The following PBX1 variants were observed in gnomAD, a reference collection of about 807,000 sequenced individuals.
PBX1 encodes the protein PBX homeobox 1.
A neutral mutation model predicts 53.4 loss-of-function variants in PBX1; 6 were observed. The ratio of observed to expected loss-of-function variants is 0.11; its 90% CI spans 0.06 to 0.22. The LOEUF (loss-of-function observed/expected upper bound fraction) is 0.22. Among genes scored for constraint, PBX1 ranks in the 10% least tolerant of loss-of-function variants. The pLI, the probability that PBX1 is intolerant of heterozygous loss-of-function variation, is 1.00. For missense variants in PBX1, 251 were observed against 551.4 expected, an observed-to-expected ratio of 0.46 and a Z score of 5.46; for synonymous variants, 204 against 212.3, an observed-to-expected ratio of 0.96 and a Z score of 0.34.
intron 2 of PBX1, among the ~76,000 whole-genome samples, chr1:164,657,674 A>G (rs1022909077): frequency 6.6e-6 from 1 of 152,150 alleles, no homozygotes; most frequent in Non-Finnish European, 1.5e-5. Context: ...AAGTGGGCAT[A>G]TTGTTTTTTG....
intron 6 of PBX1, chr1:164,812,920 T>A (rs1427677818): frequency 6.6e-6 from 1 of 151,942 alleles, no homozygotes; most frequent in African/African-American, 2.4e-5. Context: ...ATGTGGTAAT[T>A]TTTTTTTCCC....
chr1:164,629,611 C>G (rs1658279167), intron 2 of PBX1, among the ~76,000 whole-genome samples: 1 of 152,170 alleles, frequency 6.6e-6, no homozygotes, highest in African/African-American at 2.4e-5. Context: ...CCACATCTCC[C>G]AGTCTTCAGT....
At chr1:164,767,342 G>C (rs1424558107) in intron 2 of PBX1, among the ~76,000 whole-genome samples, 4 of 152,152 alleles carry the variant, frequency 2.6e-5, no homozygotes. Context: ...GGGCCCTGGG[G>C]TTCCACACAG....
At chr1:164,793,872 CTTTTTTTTT>C (rs72414989) in intron 3 of PBX1, among the ~76,000 whole-genome samples, 30 of 78,214 alleles carry the variant, frequency 3.8e-4, no homozygotes, top group African/African-American at 1.4e-3. Context: ...TTTTTCCTTT[CTTTTTTTTT>C]TTTTTTTTTT....
At chr1:164,734,942 G>T (rs1192655848) in intron 2 of PBX1, among the ~76,000 whole-genome samples, 1 of 152,104 alleles carries the variant, frequency 6.6e-6, no homozygotes, top group African/African-American at 2.4e-5. Context: ...AAGATGAAAA[G>T]GGAAACAAAG....
At position 164,848,445 on chromosome 1, in the gene PBX1, C is replaced by A. The variant is rs568818969; in HGVS notation, c.*1769C>A. The A allele has an allele frequency of 3.8e-6, 4 of 1,055,740 alleles. No individual in the cohort carries two copies. Among genetic ancestry groups the A allele is most frequent in the Non-Finnish European group, 4.6e-6 (4 of 873,386 alleles). The allele number at this position is 1,055,740 out of a possible 1,614,324, so 65.4% of individuals were successfully genotyped here. On this transcript the variant is annotated 3_prime_UTR_variant, in exon 9 of 9. Transcript: ENST00000420696. ...TTTGTTCATATCCAATCTGTAAATG[C>A]GAAGTCAGGGGAAGTAATGTCCCTG...
chr1:164,646,371 G>T (rs1571140332), intron 2 of PBX1, among the ~76,000 whole-genome samples: 1 of 152,292 alleles, frequency 6.6e-6, no homozygotes, highest in Non-Finnish European at 1.5e-5. Flanking sequence ...TAACTAGTTT[G>T]ATCAACAGTA....
At chr1:164,739,637 G>T (rs1490186126) in intron 2 of PBX1, among the ~76,000 whole-genome samples, 1 of 152,170 alleles carries the variant, frequency 6.6e-6, no homozygotes, top group African/African-American at 2.4e-5. Flanking sequence ...AAGTTTAGAT[G>T]ATTATACTTT....
intron 8 of PBX1, among the ~76,000 whole-genome samples, chr1:164,837,542 G>A (rs1045915999): frequency 2.0e-5 from 3 of 152,116 alleles, no homozygotes; most frequent in Non-Finnish European, 2.9e-5. Flanking sequence ...GCATGTTGTC[G>A]AATGCTGTTT....
At chr1:164,562,082 G>A (rs1402151172) in intron 1 of PBX1, among the ~76,000 whole-genome samples, 1 of 151,358 alleles carries the variant, frequency 6.6e-6, no homozygotes, top group Non-Finnish European at 1.5e-5. Context: ...TTTATAATGT[G>A]TATTTATTAT....
At chr1:164,841,099 C>T (rs1671269012) in intron 8 of PBX1, among the ~76,000 whole-genome samples, 1 of 152,148 alleles carries the variant, frequency 6.6e-6, no homozygotes, top group South Asian at 2.1e-4. Context: ...TGTGAAGGAA[C>T]ACACGCAATA....
chr1:164,716,685 TACACACACACACACAC>T (rs375539653), intron 2 of PBX1, among the ~76,000 whole-genome samples: 286 of 115,858 alleles, frequency 2.5e-3, no homozygotes, highest in African/African-American at 3.8e-3. Context: ...ATGTCATCTC[TACACACACACACACAC>T]ACACACACAC....
At chr1:164,598,762 G>C (rs1397674943) in intron 2 of PBX1, among the ~76,000 whole-genome samples, 3 of 152,124 alleles carry the variant, frequency 2.0e-5, no homozygotes, top group Non-Finnish European at 4.4e-5. Context: ...TTTTCATAAA[G>C]AGCCTTACAC....
chr1:164,826,859 C>T (rs981581236), intron 8 of PBX1, among the ~76,000 whole-genome samples: 6 of 151,782 alleles, frequency 4.0e-5, no homozygotes, highest in African/African-American at 7.3e-5. Flanking sequence ...GGTAACATGC[C>T]GTTAACATCA....
At chr1:164,827,388 T>C (rs958779057) in intron 8 of PBX1, among the ~76,000 whole-genome samples, 3 of 152,196 alleles carry the variant, frequency 2.0e-5, no homozygotes, top group Non-Finnish European at 4.4e-5. Flanking sequence ...TGTCTTTGGG[T>C]ACCTTCTGGT....
intron 2 of PBX1, among the ~76,000 whole-genome samples, chr1:164,692,035 G>A (rs145288519): frequency 7.0e-4 from 106 of 152,260 alleles, no homozygotes; most frequent in African/African-American, 2.4e-3. Flanking sequence ...ACACTATTAC[G>A]TATATGCAAA....
intron 2 of PBX1, among the ~76,000 whole-genome samples, chr1:164,693,945 G>T (rs1268214077): frequency 1.3e-5 from 2 of 152,138 alleles, no homozygotes; most frequent in Non-Finnish European, 2.9e-5. Flanking sequence ...TTTTGATGTT[G>T]TCTAAAAGTG....
intron 6 of PBX1, chr1:164,815,665 T>G (rs1192511769): frequency 1.3e-5 from 2 of 152,308 alleles, no homozygotes; most frequent in South Asian, 4.2e-4. Context: ...CAGGAAGAAG[T>G]GCCGAGTGAA....
intron 8 of PBX1, among the ~76,000 whole-genome samples, chr1:164,841,774 T>C (rs1466222052): frequency 6.6e-6 from 1 of 152,118 alleles, no homozygotes; most frequent in Non-Finnish European, 1.5e-5. Context: ...TGTGTTTGCA[T>C]AGAGAGGGAA....
Sources: gnomAD v4.1 joint callset for allele counts (sites outside exome capture counted in the v4.1 genomes callset) on GRCh38, gnomAD v4.1.1 for gene constraint, MANE v1.5 for transcripts, NCBI Gene and HGNC (gene_info 2026-07-23, HGNC 2026-07-21) for gene names.